Variants in KCNMB3 observed in about 807,000 individuals in gnomAD.
KCNMB3 encodes potassium calcium-activated channel subfamily M regulatory beta subunit 3.
Under a neutral mutation model 11.9 loss-of-function variants are expected in KCNMB3, and 18 were observed. The ratio of observed to expected loss-of-function variants is 1.51; its 90% CI spans 1.04 to 2.23. KCNMB3 has a LOEUF of 2.23. Among genes scored for constraint, KCNMB3 ranks in the 30% most tolerant of loss-of-function variants. The probability of loss-of-function intolerance (pLI) is 0.00; values close to 1 mark genes in which losing one functional copy is unlikely to be tolerated. For synonymous variants in KCNMB3, 78 were observed against 119.2 expected (o/e 0.65, Z 2.25); for missense variants, 247 against 329.4 (o/e 0.75, Z 1.94).
At chr3:179,256,021 A>G (rs773993766), upstream of KCNMB3, among the ~76,000 whole-genome samples, 3 of 152,254 alleles carry the variant, frequency 2.0e-5, no homozygotes, top group Non-Finnish European at 4.4e-5. Flanking sequence ...TGTCCTTGAT[A>G]GACCCTCACT....
chr3:179,248,734 A>AT (rs892065053), intron 1 of KCNMB3, among the ~76,000 whole-genome samples: 1 of 151,934 alleles, frequency 6.6e-6, no homozygotes, highest in Non-Finnish European at 1.5e-5. Flanking sequence ...CTTCAAAAAA[A>AT]AAAAAAAAAA....
At chr3:179,246,505 C>T (rs1167334102) in intron 1 of KCNMB3, among the ~76,000 whole-genome samples, 2 of 152,080 alleles carry the variant, frequency 1.3e-5, no homozygotes, top group African/African-American at 4.8e-5. Flanking sequence ...ATCATTTTCC[C>T]TTATTAATAT....
At chr3:179,240,235 A>G, downstream of KCNMB3, 1 of 530,300 alleles carries the variant, frequency 1.9e-6, no homozygotes, top group South Asian at 2.8e-5. Flanking sequence ...AGTAATGACT[A>G]AGAATACTTG....
chr3:179,252,250 A>T (rs1725872227), upstream of KCNMB3, among the ~76,000 whole-genome samples: 2 of 152,170 alleles, frequency 1.3e-5, no homozygotes, highest in South Asian at 4.1e-4. Context: ...TTCCCTGCTC[A>T]GTAGCCATTT....
chr3:179,266,614 T>C (rs747581356), intron 1 of KCNMB3: 27 of 1,612,410 alleles, frequency 1.7e-5, no homozygotes, highest in Non-Finnish European at 2.1e-5. Context: ...TCAGCCAGAT[T>C]CCCACTACCG....
chr3:179,261,333 C>CG, intron 1 of KCNMB3: 2 of 1,187,234 alleles, frequency 1.7e-6, no homozygotes, highest in Non-Finnish European at 2.1e-6. Context: ...GCCGGAGCCC[C>CG]CCCCCGCGGG....
intron 1 of KCNMB3, among the ~76,000 whole-genome samples, chr3:179,258,360 C>A (rs1726091781): frequency 6.6e-6 from 1 of 152,102 alleles, no homozygotes; most frequent in Non-Finnish European, 1.5e-5. Flanking sequence ...ACAATGAGAT[C>A]CAAAAGCATT....
chr3:179,260,807 T>C (rs1726181348), intron 1 of KCNMB3: 1 of 1,350,876 alleles, frequency 7.4e-7, no homozygotes, highest in Admixed American at 1.7e-5. Context: ...CTCTTCGTAC[T>C]GCCGCCTATA....
intron 1 of KCNMB3, among the ~76,000 whole-genome samples, chr3:179,262,831 T>C (rs1250314520): frequency 6.6e-6 from 1 of 152,220 alleles, no homozygotes; most frequent in Non-Finnish European, 1.5e-5. Context: ...ACAGTGTCGA[T>C]TGGTGCATTC....
rs758740156 is a variant in KCNMB3, at chr3:179,244,711, A to C, written c.249-18T>G. On this transcript the variant is annotated intron_variant, in intron 1 of 2. Coordinates refer to ENST00000392685, the MANE Select transcript of KCNMB3 (RefSeq NM_171830.2). ...TCTGAATGCTTCAATTTGAAAAAAA[A>C]AAAATGTTCTTCACTTATTAGAAAA... The C allele has an allele frequency of 3.1e-6, 5 of 1,606,608 alleles. No homozygotes were observed. The highest frequency in any genetic ancestry group is 4.3e-6 in the Non-Finnish European group (5 of 1,174,382).
chr3:179,266,349 A>G (rs1012110788), intron 1 of KCNMB3, among the ~76,000 whole-genome samples: 3 of 152,198 alleles, frequency 2.0e-5, no homozygotes, highest in Non-Finnish European at 2.9e-5. Flanking sequence ...CCAACAGATC[A>G]TTCTTGAGCA....
intron 1 of KCNMB3, chr3:179,259,598 T>C: frequency 6.2e-7 from 1 of 1,608,646 alleles, no homozygotes; most frequent in Non-Finnish European, 8.5e-7. Flanking sequence ...CTGCTGACTT[T>C]CTGTCAGTAG....
chr3:179,254,589 T>A (rs1418096754), upstream of KCNMB3, among the ~76,000 whole-genome samples: 3 of 152,050 alleles, frequency 2.0e-5, no homozygotes, highest in Non-Finnish European at 2.9e-5. Context: ...GGTGGGCGAA[T>A]CATGAAGTCA....
At chr3:179,263,377 G>A (rs1193508682) in intron 1 of KCNMB3, among the ~76,000 whole-genome samples, 1 of 152,188 alleles carries the variant, frequency 6.6e-6, no homozygotes, top group Non-Finnish European at 1.5e-5. Context: ...CCGGGTTCCC[G>A]CCCGCGCCTC....
chr3:179,259,459 C>T, intron 1 of KCNMB3: 1 of 1,612,772 alleles, frequency 6.2e-7, no homozygotes, highest in Non-Finnish European at 8.5e-7. Flanking sequence ...GCTGTTTTTA[C>T]ATCATTGCCT....
intron 1 of KCNMB3, among the ~76,000 whole-genome samples, chr3:179,265,150 T>C (rs952750984): frequency 2.6e-5 from 4 of 152,234 alleles, no homozygotes; most frequent in African/African-American, 9.6e-5. Flanking sequence ...TAATTCATTT[T>C]AATTGTCTGT....
chr3:179,245,674 T>C (rs1459183066), intron 1 of KCNMB3, among the ~76,000 whole-genome samples: 2 of 152,098 alleles, frequency 1.3e-5, no homozygotes, highest in Non-Finnish European at 2.9e-5. Context: ...TAATTTTTTG[T>C]ATTTTTAGTA....
intron 1 of KCNMB3, among the ~76,000 whole-genome samples, chr3:179,261,935 G>T (rs1726229427): frequency 6.6e-6 from 1 of 152,136 alleles, no homozygotes. Context: ...GTAACAAAAA[G>T]CAAACATGAA....
chr3:179,265,709 C>T (rs1442838575), intron 1 of KCNMB3, among the ~76,000 whole-genome samples: 1 of 152,182 alleles, frequency 6.6e-6, no homozygotes, highest in Non-Finnish European at 1.5e-5. Context: ...CCACTCACCT[C>T]GGCCTCCCAA....
Sources: allele counts gnomAD v4.1 joint callset (sites outside exome capture counted in the v4.1 genomes callset), GRCh38; gene constraint gnomAD v4.1.1; transcripts MANE v1.5; gene names NCBI Gene and HGNC (gene_info 2026-07-23, HGNC 2026-07-21).